The following NRXN1 variants were observed in gnomAD, a reference collection of about 807,000 sequenced individuals.
NRXN1 encodes neurexin 1.
In NRXN1, 39 loss-of-function variants were observed where a neutral mutation model predicts 150.9. The ratio of observed to expected loss-of-function variants is 0.26; its 90% CI spans 0.20 to 0.34. NRXN1 has a LOEUF of 0.34. Ranked by LOEUF, NRXN1 falls within the 10% of genes least tolerant of loss-of-function variation. NRXN1 has a pLI of 1.00. For missense variants in NRXN1, 1,815 were observed against 1,949.9 expected (o/e 0.93, Z 1.30); for synonymous variants, 924 against 757.0 (o/e 1.22, Z -3.62).
intron 3 of NRXN1, among the ~76,000 whole-genome samples, chr2:50,924,816 T>C (rs767604406): frequency 5.5e-4 from 84 of 151,840 alleles, no homozygotes; most frequent in Non-Finnish European, 9.1e-4. Context: ...ATCACAAATA[T>C]AATGTTTACC....
chr2:50,269,141 C>A (rs2069255289), intron 17 of NRXN1, among the ~76,000 whole-genome samples: 2 of 152,126 alleles, frequency 1.3e-5, no homozygotes, highest in African/African-American at 4.8e-5. Flanking sequence ...AAGATCACAA[C>A]TAATATTGTG....
intron 8 of NRXN1, among the ~76,000 whole-genome samples, chr2:50,598,156 C>T (rs1675550762): frequency 6.6e-6 from 1 of 151,546 alleles, no homozygotes; most frequent in South Asian, 2.1e-4. Context: ...AAAAAAAAAT[C>T]CCAAAAGCCT....
At chr2:50,470,727 C>G (rs2104692132) in intron 16 of NRXN1, among the ~76,000 whole-genome samples, 1 of 151,808 alleles carries the variant, frequency 6.6e-6, no homozygotes, top group South Asian at 2.1e-4. Context: ...GGAGAGGCAG[C>G]AACACATGCA....
chr2:49,945,935 T>C (rs1672816688), intron 21 of NRXN1, among the ~76,000 whole-genome samples: 1 of 152,198 alleles, frequency 6.6e-6, no homozygotes. Flanking sequence ...ATGGTATTTC[T>C]GGTTCTAGAT....
rs562522864 is a variant in NRXN1 at position 50,538,199 on chromosome 2, A to G, written c.2143+54T>C. On this transcript the variant is annotated intron_variant, in intron 10 of 22. Coordinates refer to ENST00000401669, the MANE Select transcript of NRXN1 (RefSeq NM_001330078.2). ...TGGTCAGTGCAGGTTTGAGGTCAAC[A>G]TTTAATAAACTTTTCATCTCAGGGA... 3.6e-4 allele frequency: 556 copies of G among 1,562,792 alleles called. 1 individual carries two copies. The highest frequency in any genetic ancestry group is 4.5e-4 in the Non-Finnish European group (519 of 1,152,638).
intron 5 of NRXN1, among the ~76,000 whole-genome samples, chr2:50,794,045 C>CTG (rs1706438432): frequency 6.6e-6 from 1 of 151,980 alleles, no homozygotes; most frequent in Non-Finnish European, 1.5e-5. Context: ...CCGTTAAACA[C>CTG]CCTAAAATTC....
chr2:50,722,284 A>T (rs1559168945), intron 5 of NRXN1, among the ~76,000 whole-genome samples: 1 of 152,192 alleles, frequency 6.6e-6, no homozygotes, highest in Non-Finnish European at 1.5e-5. Flanking sequence ...GAGGTGATAA[A>T]CATACAATTC....
Position 50,178,398 on chromosome 2 carries a change from A to G in NRXN1, c.3546+58391T>C, listed in dbSNP as rs146173118. Among the ~76,000 whole-genome samples the G allele has an allele frequency of 2.8e-3, 431 of 152,168 alleles. 2 individuals carry two copies. Among genetic ancestry groups the G allele is most frequent in the African/African-American group, 9.4e-3 (392 of 41,542 alleles). The stretch of plus-strand genomic sequence containing the variant: ...CTGGCTGTTAAGAGGACAGTCCATG[A>G]TAAATGTCTTCTTCATTAAAAGTCA... On this transcript the variant is annotated intron_variant, in intron 18 of 22. Coordinates refer to ENST00000401669, the MANE Select transcript of NRXN1 (RefSeq NM_001330078.2).
chr2:50,947,789 TGAAATA>T (rs1263536371), intron 2 of NRXN1, among the ~76,000 whole-genome samples: 2 of 152,002 alleles, frequency 1.3e-5, no homozygotes, highest in African/African-American at 2.4e-5. Context: ...TCATTTCCAG[TGAAATA>T]GACATGTATA....
chr2:50,814,864 C>A (rs1668704745), intron 5 of NRXN1, among the ~76,000 whole-genome samples: 1 of 151,988 alleles, frequency 6.6e-6, no homozygotes. Context: ...AGCTGGACAC[C>A]ATCTGTTTGA....
chr2:50,039,973 A>G (rs920982007), intron 21 of NRXN1, among the ~76,000 whole-genome samples: 12 of 152,320 alleles, frequency 7.9e-5, no homozygotes, highest in Middle Eastern at 6.8e-3. Context: ...CTCATAAAAA[A>G]AGAAAGGTAA....
At chr2:49,935,059 A>C (rs1670792065) in intron 22 of NRXN1, among the ~76,000 whole-genome samples, 1 of 152,208 alleles carries the variant, frequency 6.6e-6, no homozygotes, top group Non-Finnish European at 1.5e-5. Context: ...ATGGTTTACT[A>C]TTTAGTTAGT....
At chr2:50,411,175 C>A (rs919301582) in intron 17 of NRXN1, among the ~76,000 whole-genome samples, 1 of 152,054 alleles carries the variant, frequency 6.6e-6, no homozygotes, top group Non-Finnish European at 1.5e-5. Flanking sequence ...TGCAGGCGCG[C>A]GCCTCCACGC....
chr2:50,669,908 A>G (rs1366883757), intron 5 of NRXN1, among the ~76,000 whole-genome samples: 1 of 151,816 alleles, frequency 6.6e-6, no homozygotes, highest in African/African-American at 2.4e-5. Context: ...CCTCAAATTT[A>G]GAATAGTAAT....
At position 49,992,473 on chromosome 2, in the gene NRXN1, G is replaced by A. The variant is rs796765085; in HGVS notation, c.4129-48682C>T. Among the ~76,000 whole-genome samples the A allele has an allele frequency of 3.1e-4, 47 of 151,796 alleles. 1 individual carries two copies. The highest frequency in any genetic ancestry group is 1.1e-3 in the African/African-American group (44 of 41,428). On this transcript the variant is annotated intron_variant, in intron 21 of 22. Coordinates refer to ENST00000401669, the MANE Select transcript of NRXN1 (RefSeq NM_001330078.2). The stretch of plus-strand genomic sequence containing the variant: ...TGTATGCCTATAGTCCCAGCTAGTC[G>A]GGAGGCTGAGGCAGGGAAATTGCTT...
At chr2:50,554,494 A>C (rs1335358654) in intron 8 of NRXN1, 1 of 152,200 alleles carries the variant, frequency 6.6e-6, no homozygotes, top group Non-Finnish European at 1.5e-5. Context: ...ACTCCCTGAA[A>C]GGAAAATAAT....
chr2:50,347,799 C>T lies in NRXN1; in HGVS notation c.3365-110829G>A. The T allele has an allele frequency of 8.1e-6, 8 of 986,268 alleles. No individual in the cohort carries two copies. The highest frequency in any genetic ancestry group is 1.7e-5 in the African/African-American group (1 of 57,358). 61.1% of individuals were successfully genotyped at this position (986,268 alleles called of 1,614,324 possible). A position where few individuals can be genotyped will look rare whatever the true frequency, so the allele number is the denominator to read the frequency against. ...CGCTGGTGAAGCAAGGGGCTCTATGCAAATCTGCAGTCTCCAAACAGCAAA... is the reference window on the plus strand; with the variant it reads ...CGCTGGTGAAGCAAGGGGCTCTATGTAAATCTGCAGTCTCCAAACAGCAAA... On this transcript the variant is annotated intron_variant, in intron 17 of 22. Transcript: ENST00000401669. This position sits in a 1 kb window ranked among gnomAD's most constrained non-coding sequence, Gnocchi z 4.9.
chr2:50,610,936 G>A (rs1389567817), intron 8 of NRXN1, among the ~76,000 whole-genome samples: 2 of 149,444 alleles, frequency 1.3e-5, no homozygotes, highest in Non-Finnish European at 3.0e-5. Context: ...AATAGAGATG[G>A]GATTTCACCA....
In NRXN1 at chr2:50,298,461, T is replaced by C. The variant is rs558760405; in HGVS notation, c.3365-61491A>G. On this transcript the variant is annotated intron_variant, in intron 17 of 22. Coordinates refer to ENST00000401669, the MANE Select transcript of NRXN1 (RefSeq NM_001330078.2). ...TTCATGAAAGACCTCCTAAAAATTA[T>C]GTGAAAATTCAGGCAAGTATTTGAG... Among the ~76,000 whole-genome samples, 27 of 152,246 alleles carry C rather than the reference T, an allele frequency of 1.8e-4. No homozygotes were observed. The South Asian group carries it at 5.4e-3, about 30-fold the overall frequency.
Sources: gnomAD v4.1 joint callset for allele counts (sites outside exome capture counted in the v4.1 genomes callset) on GRCh38, gnomAD v4.1.1 for gene constraint, Gnocchi (gnomAD v3.1) non-coding constraint, MANE v1.5 for transcripts, NCBI Gene and HGNC (gene_info 2026-07-23, HGNC 2026-07-21) for gene names.